The following FANK1 variants were observed in gnomAD, a reference collection of about 807,000 sequenced individuals.
FANK1 encodes fibronectin type 3 and ankyrin repeat domains protein 1.
In FANK1, 44 loss-of-function variants were observed where a neutral mutation model predicts 45.3. That is an observed-to-expected ratio of 0.97 (90% confidence interval 0.76 to 1.25). The LOEUF is 1.25. Among genes scored for constraint, FANK1 ranks in the 50% most tolerant of loss-of-function variants. The pLI, the probability that FANK1 is intolerant of heterozygous loss-of-function variation, is 0.00. For synonymous variants in FANK1, 149 were observed against 152.5 expected (o/e 0.98, Z 0.17); for missense variants, 391 against 424.4 (o/e 0.92, Z 0.69).
intron 6 of FANK1, among the ~76,000 whole-genome samples, chr10:125,999,986 C>T (rs887322430): frequency 6.6e-6 from 1 of 151,714 alleles, no homozygotes; most frequent in Non-Finnish European, 1.5e-5. Flanking sequence ...TGGACAGCTA[C>T]AAGGCAAAGA....
chr10:125,908,129 T>G (rs1375283246), intron 1 of FANK1, among the ~76,000 whole-genome samples: 1 of 151,966 alleles, frequency 6.6e-6, no homozygotes, highest in Non-Finnish European at 1.5e-5. Context: ...CCCAGGTAGC[T>G]GAGATTATAG....
chr10:125,904,436 A>ATT (rs200215701), intron 1 of FANK1, among the ~76,000 whole-genome samples: 1 of 128,858 alleles, frequency 7.8e-6, no homozygotes, highest in African/African-American at 2.8e-5. Flanking sequence ...AACATTACAG[A>ATT]TTTTTTTTTT....
chr10:125,905,709 C>T (rs1945444820), intron 1 of FANK1, among the ~76,000 whole-genome samples: 1 of 152,134 alleles, frequency 6.6e-6, no homozygotes, highest in Non-Finnish European at 1.5e-5. Context: ...CTCTCTGTGA[C>T]AAGTCTAGTT....
At chr10:125,910,893 G>C (rs1378941450) in intron 1 of FANK1, among the ~76,000 whole-genome samples, 1 of 152,028 alleles carries the variant, frequency 6.6e-6, no homozygotes, top group African/African-American at 2.4e-5. Flanking sequence ...AATTAGCCGG[G>C]TGTGGTGGCA....
At chr10:126,004,671 A>G (rs947149583) in intron 6 of FANK1, 3 of 521,902 alleles carry the variant, frequency 5.7e-6, no homozygotes, top group Non-Finnish European at 1.0e-5. Flanking sequence ...AGGTTCATGC[A>G]TGTTTGTAGC....
chr10:125,906,124 G>C (rs73383062), intron 1 of FANK1, among the ~76,000 whole-genome samples: 5 of 147,412 alleles, frequency 3.4e-5, no homozygotes, highest in African/African-American at 1.0e-4. Context: ...AGCAGCAACC[G>C]CCATAAGCCT....
intron 1 of FANK1, among the ~76,000 whole-genome samples, chr10:125,959,246 C>T (rs893812221): frequency 2.6e-5 from 4 of 151,300 alleles, no homozygotes; most frequent in Non-Finnish European, 4.4e-5. Flanking sequence ...AAAATCCACA[C>T]ACACACACAA....
At chr10:125,903,350 G>A (rs1945206194) in intron 1 of FANK1, among the ~76,000 whole-genome samples, 1 of 152,220 alleles carries the variant, frequency 6.6e-6, no homozygotes, top group Non-Finnish European at 1.5e-5. Context: ...CACAGGGCTG[G>A]GGGCGTTCTT....
At chr10:125,979,821 A>G (rs1339069256) in intron 1 of FANK1, 4 of 475,020 alleles carry the variant, frequency 8.4e-6, no homozygotes, top group Admixed American at 7.0e-5. Flanking sequence ...TTTGTTAGTC[A>G]CTGAAGGATT....
intron 1 of FANK1, among the ~76,000 whole-genome samples, chr10:125,947,849 A>G (rs1948922671): frequency 7.6e-6 from 1 of 131,508 alleles, no homozygotes; most frequent in African/African-American, 2.7e-5. Flanking sequence ...TCCAAAATTG[A>G]CCACATACTT....
rs745447545 is a variant in FANK1 at position 125,997,494 on chromosome 10, T to C, written c.539+9T>C. 4 of 1,611,564 alleles carry C rather than the reference T, an allele frequency of 2.5e-6. No individual in the cohort carries two copies. Among genetic ancestry groups the C allele is most frequent in the South Asian group, 1.1e-5 (1 of 90,760 alleles). ...GGAAGTGGCAAGGACAGGTAGGAGGTGGGATATGACTGAAATTGTGCTGAT... is the reference window on the plus strand; with the variant it reads ...GGAAGTGGCAAGGACAGGTAGGAGGCGGGATATGACTGAAATTGTGCTGAT... On this transcript the variant is annotated intron_variant, in intron 6 of 10. Transcript: ENST00000368693.
At chr10:125,995,523 T>G in intron 4 of FANK1, 25 bp downstream of exon 4, 1 of 1,607,466 alleles carries the variant, frequency 6.2e-7, no homozygotes, top group South Asian at 1.1e-5. Context: ...TCAGTTGTTT[T>G]TTTTCCCCCA....
intron 1 of FANK1, among the ~76,000 whole-genome samples, chr10:125,976,300 C>G (rs1950849464): frequency 6.6e-6 from 1 of 152,012 alleles, no homozygotes; most frequent in Non-Finnish European, 1.5e-5. Flanking sequence ...TGAAGATGAT[C>G]TTCTTGTGTA....
At chr10:126,003,350 G>C (rs1590244489) in intron 6 of FANK1, among the ~76,000 whole-genome samples, 1 of 151,912 alleles carries the variant, frequency 6.6e-6, no homozygotes, top group African/African-American at 2.4e-5. Context: ...ATCACTTGAG[G>C]CCATGAGTTT....
chr10:125,988,568 A>T lies in FANK1; in HGVS notation c.209A>T (p.His70Leu), dbSNP rs1477972303. 1.2e-6 allele frequency: 2 copies of T among 1,614,158 alleles called. No individual in the cohort carries two copies. The highest frequency in any genetic ancestry group is 1.7e-6 in the Non-Finnish European group (2 of 1,180,002). Residue 70 changes from histidine (H) to leucine (L), a missense_variant, in exon 3 of 11, where the codon CAT (histidine) becomes CTT (leucine). Physicochemically the swap from His to Leu is moderately conservative, Grantham distance 99 (BLOSUM62 -3). Coordinates refer to ENST00000368693, the MANE Select transcript of FANK1 (RefSeq NM_145235.5). ...GIIYTGYATKHVVEGLEPRTL... is the reference protein window; with the variant it reads ...GIIYTGYATKLVVEGLEPRTL... ...CTGTCTAGGGGATATGCAACGAAGCATGTTGTTGAAGGTCTGGAACCAAGG... is the reference window on the plus strand; with the variant it reads ...CTGTCTAGGGGATATGCAACGAAGCTTGTTGTTGAAGGTCTGGAACCAAGG...
At chr10:125,993,163 A>G (rs993002321) in intron 3 of FANK1, among the ~76,000 whole-genome samples, 5 of 152,350 alleles carry the variant, frequency 3.3e-5, no homozygotes, top group African/African-American at 9.6e-5. Context: ...GATTTAGGAT[A>G]CTACACATTG....
intron 1 of FANK1, among the ~76,000 whole-genome samples, chr10:125,931,404 C>T (rs905986272): frequency 1.3e-5 from 2 of 152,144 alleles, no homozygotes; most frequent in Admixed American, 1.3e-4. Flanking sequence ...TTGATTATGG[C>T]CTTTCTTGCA....
At chr10:125,912,886 C>T (rs1236535384) in intron 1 of FANK1, among the ~76,000 whole-genome samples, 1 of 152,210 alleles carries the variant, frequency 6.6e-6, no homozygotes, top group Non-Finnish European at 1.5e-5. Context: ...CCGCCCGTCT[C>T]GGCCTCCCAA....
intron 1 of FANK1, among the ~76,000 whole-genome samples, chr10:125,914,411 AG>A (rs750798628): frequency 6.6e-6 from 1 of 152,090 alleles, no homozygotes; most frequent in Non-Finnish European, 1.5e-5. Context: ...GCATGTTTGC[AG>A]GGAGGACACA....
Sources: allele counts gnomAD v4.1 joint callset (sites outside exome capture counted in the v4.1 genomes callset), GRCh38; gene constraint gnomAD v4.1.1; transcripts MANE v1.5; gene names NCBI Gene and HGNC (gene_info 2026-07-23, HGNC 2026-07-21).